DPH6: variants seen among roughly 807,000 people sequenced by gnomAD.
The protein encoded by DPH6 is diphthamine biosynthesis 6.
Under a neutral mutation model 38.2 loss-of-function variants are expected in DPH6, and 33 were observed. The ratio of observed to expected loss-of-function variants is 0.86; its 90% CI spans 0.65 to 1.15. DPH6 has a LOEUF of 1.15. Among genes scored for constraint, DPH6 ranks in the 50% most tolerant of loss-of-function variants. The pLI, the probability that DPH6 is intolerant of heterozygous loss-of-function variation, is 0.00. For synonymous variants in DPH6, 108 were observed against 103.0 expected, an observed-to-expected ratio of 1.05 and a Z score of -0.30; for missense variants, 325 against 320.0, an observed-to-expected ratio of 1.02 and a Z score of -0.12.
At chr15:35,284,800 A>ATTT (rs1214766013) in intron 3 of DPH6, among the ~76,000 whole-genome samples, 2 of 112,808 alleles carry the variant, frequency 1.8e-5, no homozygotes, top group Admixed American at 1.3e-4. Context: ...GAAGTCTCCA[A>ATTT]ATTTTTTTTT....
intron 3 of DPH6, 129 bp downstream of exon 3, chr15:35,538,145 G>C (rs879392041): frequency 1.2e-6 from 1 of 807,176 alleles, no homozygotes; most frequent in Admixed American, 3.1e-5. Context: ...ACCAAAAAAA[G>C]ACAAAATCCT....
Position 35,259,010 on chromosome 15 carries a change from G to T in DPH6, n.201-38428C>A, listed in dbSNP as rs142101076. On this transcript the variant is annotated intron_variant and non_coding_transcript_variant, in intron 3 of 3. Transcript: ENST00000560386. Reference sequence around the variant, plus strand: ...TAAAATACAAAAATTAGCTGTGCGTGGTGGTGTGCACCTGTAATCCCGCTA... The same window carrying T: ...TAAAATACAAAAATTAGCTGTGCGTTGTGGTGTGCACCTGTAATCCCGCTA... Among the ~76,000 whole-genome samples, 625 of 152,078 alleles carry T rather than the reference G, an allele frequency of 4.1e-3. 5 individuals carry two copies. Among genetic ancestry groups the T allele is most frequent in the African/African-American group, 0.014 (592 of 41,492 alleles).
intron 3 of DPH6, among the ~76,000 whole-genome samples, chr15:35,265,329 T>C (rs887298868): frequency 1.1e-4 from 16 of 152,222 alleles, no homozygotes; most frequent in African/African-American, 3.9e-4. Context: ...AAATACTTCC[T>C]TTTGATAACC....
chr15:35,382,797 T>TC (rs1234098788), intron 6 of DPH6, among the ~76,000 whole-genome samples: 1 of 151,438 alleles, frequency 6.6e-6, no homozygotes, highest in East Asian at 1.9e-4. Context: ...AGGTCCAACT[T>TC]CAAGAAAGGT....
intron 3 of DPH6, among the ~76,000 whole-genome samples, chr15:35,337,181 G>A (rs879733948): frequency 2.0e-5 from 3 of 152,278 alleles, no homozygotes; most frequent in African/African-American, 4.8e-5. Flanking sequence ...TTGGGAGAGT[G>A]TATGTGTCCA....
At chr15:35,530,130 G>T (rs2055065221) in intron 3 of DPH6, among the ~76,000 whole-genome samples, 1 of 152,098 alleles carries the variant, frequency 6.6e-6, no homozygotes, top group Admixed American at 6.6e-5. Flanking sequence ...TATCAATCTG[G>T]ATAATGTATT....
chr15:35,385,413 T>C (rs1328448646), intron 6 of DPH6, among the ~76,000 whole-genome samples: 2 of 152,196 alleles, frequency 1.3e-5, no homozygotes, highest in South Asian at 2.1e-4. Flanking sequence ...GTGGCACATA[T>C]ACAGCATGGA....
intron 3 of DPH6, among the ~76,000 whole-genome samples, chr15:35,504,911 C>A (rs922971004): frequency 6.6e-6 from 1 of 151,868 alleles, no homozygotes; most frequent in Non-Finnish European, 1.5e-5. Flanking sequence ...AAAAAAGGTC[C>A]GAAATATTAG....
At position 35,371,446 on chromosome 15, in the gene DPH6, G is replaced by A. The variant is rs1009564525; in HGVS notation, c.*704C>T. 2.7e-6 allele frequency: 1 copy of A among 371,004 alleles called. No individual in the cohort carries two copies. The highest frequency in any genetic ancestry group is 2.2e-5 in the African/African-American group (1 of 45,474). The allele number at this position is 371,004 out of a possible 1,614,324, so 23.0% of individuals were successfully genotyped here. ...ATTGACGGTAGGGGAGGCTGTGAAT[G>A]TGTGGAGGTAGAGGGTATATGGGAA... On this transcript the variant is annotated 3_prime_UTR_variant, in exon 9 of 9. Coordinates refer to ENST00000256538, the MANE Select transcript of DPH6 (RefSeq NM_080650.4).
intron 3 of DPH6, among the ~76,000 whole-genome samples, chr15:35,269,649 A>G (rs1251029305): frequency 6.6e-6 from 1 of 151,220 alleles, no homozygotes; most frequent in East Asian, 2.0e-4. Context: ...CATGTTAGCC[A>G]GGATGGTCTC....
chr15:35,430,040 C>T (rs1006839133), intron 5 of DPH6, among the ~76,000 whole-genome samples: 3 of 151,928 alleles, frequency 2.0e-5, no homozygotes, highest in African/African-American at 4.8e-5. Flanking sequence ...GTTAACCTTG[C>T]TAATTTGTTT....
chr15:35,297,332 G>GTT lies in DPH6; in HGVS notation n.200+76187_200+76188dup, dbSNP rs34357081. 7.2e-5 allele frequency among the ~76,000 whole-genome samples: 10 copies of GTT among 139,324 alleles called. No homozygotes were observed. The East Asian group carries it at 8.2e-4, about 11-fold the overall frequency. 91.4% of individuals were successfully genotyped at this position (139,324 alleles called of 152,430 possible). ...TATATCCACTCTTTTCCCTCCCTCA[G>GTT]TTTTTTTTTTTTTTTAAACCTATTA... On this transcript the variant is annotated intron_variant and non_coding_transcript_variant, in intron 3 of 3. Transcript: ENST00000560386.
At chr15:35,165,397 T>A in the DPH6 span, among the ~76,000 whole-genome samples, 2 of 151,916 alleles carry the variant, frequency 1.3e-5, no homozygotes, top group Admixed American at 1.3e-4. Flanking sequence ...AGAAATTTTT[T>A]AAAAGCCATA....
At position 35,522,192 on chromosome 15, in the gene DPH6, C is replaced by T. The variant is rs1473827689; in HGVS notation, c.312+16082G>A. ...GTTCATTTGGAGTCCTGTAAACAAT[C>T]GCCTGGCTGCCCACTTTCAAATGCA... is the stretch of plus-strand genomic sequence containing the variant. On this transcript the variant is annotated intron_variant, in intron 3 of 8. Transcript: ENST00000256538. 5.0e-6 allele frequency: 8 copies of T among 1,613,180 alleles called. No homozygotes were observed. The Admixed American group carries it at 8.4e-5, about 17-fold the overall frequency.
At chr15:35,274,410 T>G in intron 3 of DPH6, among the ~76,000 whole-genome samples, 1 of 152,058 alleles carries the variant, frequency 6.6e-6, no homozygotes, top group Non-Finnish European at 1.5e-5. Context: ...CTAATCAAAC[T>G]AAAGCGCTTC....
chr15:35,255,829 A>AT (rs1368952984), intron 3 of DPH6, among the ~76,000 whole-genome samples: 1 of 151,646 alleles, frequency 6.6e-6, no homozygotes. Context: ...AAGATTATTC[A>AT]TTCTATCCAT....
intron 3 of DPH6, among the ~76,000 whole-genome samples, chr15:35,316,183 A>G (rs1047818505): frequency 1.3e-5 from 2 of 152,228 alleles, no homozygotes; most frequent in African/African-American, 2.4e-5. Context: ...AATAGTTAGT[A>G]GAGAATAATT....
intron 3 of DPH6, among the ~76,000 whole-genome samples, chr15:35,455,709 T>C (rs1392390045): frequency 6.6e-6 from 1 of 152,046 alleles, no homozygotes; most frequent in Non-Finnish European, 1.5e-5. Context: ...AAAACAGATA[T>C]GAAGAAAGTG....
At chr15:35,389,911 T>C (rs1336964585) in intron 6 of DPH6, among the ~76,000 whole-genome samples, 1 of 152,152 alleles carries the variant, frequency 6.6e-6, no homozygotes, top group Non-Finnish European at 1.5e-5. Flanking sequence ...TTTTGCTCAT[T>C]ATTTGATGCA....
Sources: gnomAD v4.1 joint callset for allele counts (sites outside exome capture counted in the v4.1 genomes callset) on GRCh38, gnomAD v4.1.1 for gene constraint, MANE v1.5 for transcripts, NCBI Gene and HGNC (gene_info 2026-07-23, HGNC 2026-07-21) for gene names.